Variants in KAZN observed in about 807,000 individuals in gnomAD.
KAZN encodes kazrin.
KAZN carries 40 observed loss-of-function variants against 87.4 expected under a neutral mutation model. The ratio of observed to expected loss-of-function variants is 0.46; its 90% CI spans 0.36 to 0.60. The LOEUF (loss-of-function observed/expected upper bound fraction) is 0.60, where lower values mean the gene tolerates loss of function less well. Among genes scored for constraint, KAZN ranks in the 20% least tolerant of loss-of-function variants. The pLI is 0.00. For synonymous variants in KAZN, 466 were observed against 458.3 expected (o/e 1.02, Z -0.22); for missense variants, 898 against 1,073.9 (o/e 0.84, Z 2.29).
At chr1:14,219,133 C>A (rs918797762) in intron 2 of KAZN, among the ~76,000 whole-genome samples, 3 of 152,004 alleles carry the variant, frequency 2.0e-5, no homozygotes, top group African/African-American at 7.2e-5. Context: ...GTGGAGAGAC[C>A]AAAGGGTAAC....
chr1:14,319,646 T>C (rs1655913057), intron 2 of KAZN, among the ~76,000 whole-genome samples: 1 of 152,196 alleles, frequency 6.6e-6, no homozygotes, highest in Non-Finnish European at 1.5e-5. Flanking sequence ...TCCTCCCTTC[T>C]CGACAGCCTG....
chr1:14,045,609 A>G (rs1374493467), intron 1 of KAZN, among the ~76,000 whole-genome samples: 2 of 152,188 alleles, frequency 1.3e-5, no homozygotes, highest in African/African-American at 4.8e-5. Flanking sequence ...TTCCAATTTG[A>G]TGGATTCTCA....
At chr1:13,987,040 T>C (rs1639051782) in intron 1 of KAZN, among the ~76,000 whole-genome samples, 1 of 152,186 alleles carries the variant, frequency 6.6e-6, no homozygotes, top group Non-Finnish European at 1.5e-5. Flanking sequence ...TGTCTTCCAT[T>C]GTAAGGTATG....
At chr1:14,318,493 A>T (rs1271173645) in intron 2 of KAZN, among the ~76,000 whole-genome samples, 3 of 151,562 alleles carry the variant, frequency 2.0e-5, no homozygotes, top group Non-Finnish European at 4.4e-5. Context: ...TCCCTTTGAT[A>T]CTGGTTTTCC....
At chr1:14,055,586 A>G (rs886110901) in intron 1 of KAZN, among the ~76,000 whole-genome samples, 15 of 152,176 alleles carry the variant, frequency 9.9e-5, no homozygotes, top group Non-Finnish European at 1.2e-4. Flanking sequence ...TTTCTCAGGC[A>G]TCCATACAGG....
chr1:15,106,832 C>A (rs1325019253), intron 13 of KAZN, among the ~76,000 whole-genome samples: 3 of 152,292 alleles, frequency 2.0e-5, no homozygotes, highest in East Asian at 3.9e-4. Flanking sequence ...TCCCGATAAA[C>A]CTTGGTCCGG....
At chr1:14,801,004 G>T (rs574447230) in intron 1 of KAZN, among the ~76,000 whole-genome samples, 1 of 149,844 alleles carries the variant, frequency 6.7e-6, no homozygotes, top group East Asian at 2.0e-4. Context: ...ACACTGAATT[G>T]TACACTTTAA....
intron 2 of KAZN, among the ~76,000 whole-genome samples, chr1:14,477,455 T>C (rs1668813523): frequency 7.2e-6 from 1 of 139,496 alleles, no homozygotes; most frequent in African/African-American, 3.1e-5. Context: ...CCCCTCTCTC[T>C]CTCTCTCTTT....
At chr1:14,780,974 G>T (rs1259956168) in intron 1 of KAZN, among the ~76,000 whole-genome samples, 1 of 152,222 alleles carries the variant, frequency 6.6e-6, no homozygotes, top group Non-Finnish European at 1.5e-5. Flanking sequence ...GGAGCCCAGA[G>T]GGTGCCGAGT....
intron 1 of KAZN, among the ~76,000 whole-genome samples, chr1:14,713,036 C>T (rs1241378356): frequency 2.6e-5 from 4 of 152,176 alleles, no homozygotes; most frequent in Non-Finnish European, 5.9e-5. Context: ...ACAGTGAGTA[C>T]ACAATGCTCC....
At chr1:13,994,136 T>G (rs2101119084) in intron 1 of KAZN, among the ~76,000 whole-genome samples, 1 of 152,332 alleles carries the variant, frequency 6.6e-6, no homozygotes, top group East Asian at 1.9e-4. Flanking sequence ...AACTTTAATT[T>G]GGTTCCAGAA....
At chr1:15,113,080 A>G (rs562060164) in intron 14 of KAZN, 4 of 153,888 alleles carry the variant, frequency 2.6e-5, no homozygotes, top group Admixed American at 1.9e-4. Context: ...AGATTCCTCA[A>G]TGGAAATGCA....
chr1:14,363,828 T>C (rs992642704), intron 2 of KAZN, among the ~76,000 whole-genome samples: 2 of 152,148 alleles, frequency 1.3e-5, no homozygotes, highest in African/African-American at 4.8e-5. Context: ...ATTAGTAGTG[T>C]CCTACAAAAA....
At chr1:14,351,764 C>T (rs1026704202) in intron 2 of KAZN, among the ~76,000 whole-genome samples, 4 of 152,132 alleles carry the variant, frequency 2.6e-5, no homozygotes, top group African/African-American at 9.7e-5. Flanking sequence ...AGCAAACACT[C>T]GGACCAGCAG....
At chr1:15,058,855 C>T (rs1480030371) in intron 5 of KAZN, among the ~76,000 whole-genome samples, 1 of 151,932 alleles carries the variant, frequency 6.6e-6, no homozygotes, top group Non-Finnish European at 1.5e-5. Context: ...CCTGTCTCTA[C>T]TAAAAATACA....
rs542359725 is a variant in KAZN, at chr1:14,698,617, G to A, written c.226+99394G>A. Among the ~76,000 whole-genome samples, 5 of 152,314 alleles carry A rather than the reference G, an allele frequency of 3.3e-5. No individual in the cohort carries two copies. In the East Asian group the frequency reaches 7.7e-4, roughly 24 times the overall value. ...TTTGGAGCTATTCTTTTGTAGCTAG[G>A]AGACCCTCATTGGTGAAAGCACTTA... On this transcript the variant is annotated intron_variant, in intron 1 of 14. Transcript: ENST00000376030.
rs181416855 is a variant in KAZN, at chr1:14,429,763, G to A, written c.250-169220G>A. ...TAGGGGAGATGTCACCGTCGTCGTCGTCATCATCATCGTCATCATCCCGAC... is the reference window on the plus strand; with the variant it reads ...TAGGGGAGATGTCACCGTCGTCGTCATCATCATCATCGTCATCATCCCGAC... On this transcript the variant is annotated intron_variant, in intron 2 of 16. Coordinates refer to the KAZN transcript ENST00000636203. 9.5e-4 allele frequency among the ~76,000 whole-genome samples: 145 copies of A among 152,204 alleles called. No homozygotes were observed. The South Asian group carries it at 0.011, about 12-fold the overall frequency.
intron 1 of KAZN, among the ~76,000 whole-genome samples, chr1:13,920,123 G>T (rs55741004): frequency 0.036 from 5,389 of 151,534 alleles, 457 homozygotes; most frequent in East Asian, 0.34. Flanking sequence ...GGTGGCATGC[G>T]ACTGTAGTCC....
Position 14,601,377 on chromosome 1 carries a change from A to T in KAZN, c.226+2154A>T, listed in dbSNP as rs145565688. ...CCCCGTATAAGTTCAGTGGGGTATC[A>T]TTTACTTGTCTGTAGCAACAGTACT... is the stretch of plus-strand genomic sequence containing the variant. On this transcript the variant is annotated intron_variant, in intron 1 of 14. Coordinates refer to ENST00000376030, the MANE Select transcript of KAZN (RefSeq NM_201628.3). 5.1e-3 allele frequency among the ~76,000 whole-genome samples: 772 copies of T among 152,188 alleles called. 12 individuals carry two copies. The highest frequency in any genetic ancestry group is 0.018 in the African/African-American group (742 of 41,510).
Sources: gnomAD v4.1 joint callset for allele counts (sites outside exome capture counted in the v4.1 genomes callset) on GRCh38, gnomAD v4.1.1 for gene constraint, MANE v1.5 for transcripts, NCBI Gene and HGNC (gene_info 2026-07-23, HGNC 2026-07-21) for gene names.